Variants in CFAP74 observed in about 807,000 individuals in gnomAD.
CFAP74 encodes the protein cilia- and flagella-associated protein 74.
In CFAP74, 124 loss-of-function variants were observed where a neutral mutation model predicts 188.9. The observed-to-expected ratio is 0.66, with a 90% confidence interval of 0.57 to 0.76. CFAP74 has a LOEUF of 0.76. CFAP74 is among the 30% of genes least tolerant of loss of function. The pLI is 0.00. For missense variants in CFAP74, 2,198 were observed against 2,165.2 expected, an observed-to-expected ratio of 1.02 and a Z score of -0.30; for synonymous variants, 956 against 916.7, an observed-to-expected ratio of 1.04 and a Z score of -0.77.
intron 18 of CFAP74, 192 bp downstream of exon 18, chr1:1,955,499 A>G (rs1654541638): frequency 6.2e-7 from 1 of 1,603,388 alleles, no homozygotes. Flanking sequence ...GTGAATGTAC[A>G]TTTTCGTCCA....
At chr1:1,950,076 C>T (rs1212590099) in intron 18 of CFAP74, among the ~76,000 whole-genome samples, 1 of 152,142 alleles carries the variant, frequency 6.6e-6, no homozygotes, top group African/African-American at 2.4e-5. Context: ...CTGAGCGTTT[C>T]GCTGGTGGCC....
rs1656523228 is a variant in CFAP74 at position 1,977,464 on chromosome 1, G to C, written c.501-3266C>G. ...AACACCTCCCTGAGGGGCTGCCAGA[G>C]CTCCTCATGACCCCCTTGCCATCCT... On this transcript the variant is annotated intron_variant, in intron 6 of 38. Transcript: ENST00000682832. 2.0e-5 allele frequency among the ~76,000 whole-genome samples: 3 copies of C among 152,316 alleles called. No individual in the cohort carries two copies. The South Asian group carries it at 6.2e-4, about 32-fold the overall frequency.
chr1:1,997,593 T>C (rs759166066), intron 1 of CFAP74, among the ~76,000 whole-genome samples: 1 of 152,204 alleles, frequency 6.6e-6, no homozygotes, highest in Non-Finnish European at 1.5e-5. Context: ...AAAGCAAGTA[T>C]ATTTCTATTT....
chr1:1,981,403 C>T (rs562441982), intron 6 of CFAP74, among the ~76,000 whole-genome samples: 1 of 151,878 alleles, frequency 6.6e-6, no homozygotes, highest in Non-Finnish European at 1.5e-5. Context: ...CAGCCAGCCG[C>T]GGACAGACAC....
chr1:1,922,045 G>A lies in CFAP74; in HGVS notation c.*242C>T, dbSNP rs943830747. 1 of 528,738 alleles carries A rather than the reference G, an allele frequency of 1.9e-6. No homozygotes were observed. Among genetic ancestry groups the A allele is most frequent in the Non-Finnish European group, 3.4e-6 (1 of 298,264 alleles). 32.8% of individuals were successfully genotyped at this position (528,738 alleles called of 1,614,324 possible). A position where few individuals can be genotyped will look rare whatever the true frequency, so the allele number is the denominator to read the frequency against. On this transcript the variant is annotated 3_prime_UTR_variant, in exon 39 of 39. Coordinates refer to ENST00000682832, the MANE Select transcript of CFAP74 (RefSeq NM_001304360.2). Reference sequence around the variant, plus strand: ...AGGGGGTCTGGCTAGGATGGCTGAGGGCTGGCCTGGCCTTCTCGCTGCTTC... The same window carrying A: ...AGGGGGTCTGGCTAGGATGGCTGAGAGCTGGCCTGGCCTTCTCGCTGCTTC...
intron 6 of CFAP74, among the ~76,000 whole-genome samples, chr1:1,980,390 A>C (rs1468213457): frequency 2.4e-5 from 2 of 83,786 alleles, no homozygotes; most frequent in Non-Finnish European, 4.9e-5. Context: ...GAGAGACTGT[A>C]TCTAAGCCAC....
intron 14 of CFAP74, among the ~76,000 whole-genome samples, chr1:1,961,567 G>C (rs77258764): frequency 1.3e-5 from 2 of 152,160 alleles, no homozygotes; most frequent in South Asian, 4.2e-4. Context: ...AGAGCACAGC[G>C]ACCACCTAAA....
At chr1:1,945,069 G>A (rs1303210297) in intron 20 of CFAP74, among the ~76,000 whole-genome samples, 1 of 152,098 alleles carries the variant, frequency 6.6e-6, no homozygotes, top group East Asian at 1.9e-4. Context: ...GCACTTTGGA[G>A]GCCCAGGTGG....
At chr1:1,998,439 G>A (rs1327019684) in intron 1 of CFAP74, among the ~76,000 whole-genome samples, 4 of 152,262 alleles carry the variant, frequency 2.6e-5, no homozygotes, top group East Asian at 1.9e-4. Context: ...AGATCTACAC[G>A]TAGGGAGGGG....
intron 6 of CFAP74, among the ~76,000 whole-genome samples, chr1:1,978,401 C>T (rs1656585067): frequency 6.6e-6 from 1 of 151,904 alleles, no homozygotes; most frequent in African/African-American, 2.4e-5. Flanking sequence ...GGCAGCAGGG[C>T]AGCGTGTCTC....
intron 13 of CFAP74, among the ~76,000 whole-genome samples, chr1:1,964,251 C>T (rs537074432): frequency 3.3e-5 from 5 of 152,314 alleles, no homozygotes; most frequent in East Asian, 3.9e-4. Context: ...TTGGCAGAGG[C>T]GTCCAGGCAC....
intron 5 of CFAP74, 84 bp downstream of exon 5, chr1:1,986,853 T>C (rs551450491): frequency 8.6e-7 from 1 of 1,169,502 alleles, no homozygotes; most frequent in East Asian, 2.4e-5. Flanking sequence ...CAGCAGGTGC[T>C]TCACGCCTCA....
intron 1 of CFAP74, among the ~76,000 whole-genome samples, chr1:1,991,819 C>G (rs1431947179): frequency 2.0e-5 from 3 of 151,968 alleles, no homozygotes; most frequent in Non-Finnish European, 4.4e-5. Flanking sequence ...GTGGGCGGAT[C>G]ACGAGGTCAG....
chr1:1,927,292 C>T lies in CFAP74; in HGVS notation c.3528-264G>A. The T allele has an allele frequency of 1.7e-5, 10 of 582,290 alleles. No individual in the cohort carries two copies. The South Asian group carries it at 2.1e-4, about 12-fold the overall frequency. 36.1% of individuals were successfully genotyped at this position (582,290 alleles called of 1,614,324 possible). On this transcript the variant is annotated intron_variant, in intron 28 of 38. Transcript: ENST00000682832. ...TGGCCCCTGGCTAGAGAGCCATGTT[C>T]CTTCCCGGGGCCACAGGCACCCATT... is the stretch of plus-strand genomic sequence containing the variant.
intron 1 of CFAP74, among the ~76,000 whole-genome samples, chr1:1,991,831 A>T (rs1359935457): frequency 6.6e-6 from 1 of 151,964 alleles, no homozygotes; most frequent in African/African-American, 2.4e-5. Context: ...CGAGGTCAGG[A>T]GATCGAGACT....
chr1:1,952,063 T>C (rs1654233813), intron 18 of CFAP74, among the ~76,000 whole-genome samples: 1 of 152,202 alleles, frequency 6.6e-6, no homozygotes, highest in Non-Finnish European at 1.5e-5. Flanking sequence ...GAGATTCTCC[T>C]GTCTCAGCCT....
At chr1:1,988,824 C>A (rs1657400552) in intron 3 of CFAP74, 65 bp downstream of exon 3, 3 of 508,950 alleles carry the variant, frequency 5.9e-6, no homozygotes, top group East Asian at 3.9e-5. Flanking sequence ...CTTCACCCAC[C>A]CCCCCACCCC....
At chr1:1,966,567 A>G in intron 11 of CFAP74, 41 bp from the exon 12 acceptor site, 1 of 1,462,468 alleles carries the variant, frequency 6.8e-7, no homozygotes, top group Non-Finnish European at 9.1e-7. Context: ...CACGCTCATG[A>G]CAGAGAACAG....
chr1:1,973,033 G>A lies in CFAP74; in HGVS notation c.689C>T (p.Thr230Ile). The change falls in exon 8 of 39, where the codon ACC becomes ATC. Residue 230 changes from threonine (T) to isoleucine (I), a missense_variant. Transcript: ENST00000682832. This position sits in a 1 kb window ranked among gnomAD's most constrained non-coding sequence, Gnocchi z 6.2. ...RLLRIRKSLN[T>I]QKELGLRHQK... ...GTGCCTGAGCCCGAGCTCCTTCTGG[G>A]TGTTCAGGGACTTCCTGTGGGGATA... 6.2e-7 allele frequency: 1 copy of A among 1,613,730 alleles called. No homozygotes were observed. Among genetic ancestry groups the A allele is most frequent in the Non-Finnish European group, 8.5e-7 (1 of 1,179,838 alleles).
Sources: gnomAD v4.1 joint callset for allele counts (sites outside exome capture counted in the v4.1 genomes callset) on GRCh38, gnomAD v4.1.1 for gene constraint, Gnocchi (gnomAD v3.1) non-coding constraint, MANE v1.5 for transcripts, NCBI Gene and HGNC (gene_info 2026-07-23, HGNC 2026-07-21) for gene names.